Variants in IGLL5 observed in about 807,000 individuals in gnomAD.
The protein encoded by IGLL5 is immunoglobulin lambda like polypeptide 5.
IGLL5 carries 30 observed loss-of-function variants against 20.9 expected under a neutral mutation model. That is an observed-to-expected ratio of 1.44 (90% CI 1.07 to 1.95). The LOEUF (loss-of-function observed/expected upper bound fraction) is 1.95. Among genes scored for constraint, IGLL5 ranks in the 30% most tolerant of loss-of-function variants. The pLI is 0.00. For missense variants in IGLL5, 475 were observed against 270.7 expected (o/e 1.75, Z -5.30); for synonymous variants, 203 against 117.3 (o/e 1.73, Z -4.72).
chr22:22,894,667 T>C (rs2066680314), intron 2 of IGLL5, among the ~76,000 whole-genome samples: 1 of 151,292 alleles, frequency 6.6e-6, no homozygotes, highest in African/African-American at 2.4e-5. Context: ...CATCACAGGC[T>C]GCTGGGGTGG....
rs549905601 is a variant in IGLL5, at chr22:22,894,045, G to C, written c.325+227G>C. ...AGCCTGGTCCCGGGGCCTGAGCTGG[G>C]ATTGGGCAGGGTCAGGGCTCCTCCT... is the stretch of plus-strand genomic sequence containing the variant. On this transcript the variant is annotated intron_variant, in intron 2 of 2. Coordinates refer to ENST00000526893, the MANE Select transcript of IGLL5 (RefSeq NM_001178126.2). 5.9e-5 allele frequency among the ~76,000 whole-genome samples: 9 copies of C among 151,424 alleles called. No individual in the cohort carries two copies. In the South Asian group the frequency reaches 8.4e-4, roughly 14 times the overall value.
At chr22:22,888,644 C>G (rs1601602746) in intron 1 of IGLL5, among the ~76,000 whole-genome samples, 2 of 151,318 alleles carry the variant, frequency 1.3e-5, no homozygotes, top group Admixed American at 6.6e-5. Flanking sequence ...CTCCTCCTCT[C>G]TGCCCATGTG....
At chr22:22,889,347 T>A (rs2067709433) in intron 1 of IGLL5, among the ~76,000 whole-genome samples, 1 of 151,046 alleles carries the variant, frequency 6.6e-6, no homozygotes, top group Middle Eastern at 3.7e-3. Context: ...CTATGGGCAT[T>A]AAAAATGTAT....
intron 1 of IGLL5, among the ~76,000 whole-genome samples, chr22:22,888,470 C>A (rs187858328): frequency 6.6e-6 from 1 of 151,364 alleles, no homozygotes; most frequent in African/African-American, 2.4e-5. Flanking sequence ...TATTATTTTT[C>A]TTGATTTCTG....
intron 1 of IGLL5, among the ~76,000 whole-genome samples, chr22:22,888,758 T>A (rs1019984653): frequency 5.3e-5 from 8 of 151,254 alleles, no homozygotes; most frequent in East Asian, 4.1e-4. Flanking sequence ...CATAAATGCT[T>A]ACTGGGGCCA....
intron 1 of IGLL5, among the ~76,000 whole-genome samples, chr22:22,889,182 G>C (rs2067694059): frequency 6.6e-6 from 1 of 151,228 alleles, no homozygotes; most frequent in East Asian, 2.0e-4. Flanking sequence ...TGATGGCCAA[G>C]TCCAGGGTAG....
At position 22,893,939 on chromosome 22, in the gene IGLL5, T is replaced by C. The variant is rs572008547; in HGVS notation, c.325+121T>C. The C allele has an allele frequency of 2.9e-5, 22 of 764,108 alleles. 1 individual carries two copies. The highest frequency in any genetic ancestry group is 6.8e-5 in the African/African-American group (4 of 58,558). The allele number at this position is 764,108 out of a possible 1,614,324, so 47.3% of individuals were successfully genotyped here. A position where few individuals can be genotyped will look rare whatever the true frequency, so the allele number is the denominator to read the frequency against. On this transcript the variant is annotated intron_variant, in intron 2 of 2. Coordinates refer to ENST00000526893, the MANE Select transcript of IGLL5 (RefSeq NM_001178126.2). ...CAGCCTTAAGCACTGACCCTTACCT[T>C]TCTCCATGGGGCCTGGAGGAGGTGC...
Position 22,888,135 on chromosome 22 carries a change from C to G in IGLL5, c.82C>G (p.Leu28Val), listed in dbSNP as rs148489860. The G allele has an allele frequency of 1.9e-5, 29 of 1,549,428 alleles. 1 individual carries two copies. The highest frequency in any genetic ancestry group is 1.7e-4 in the Middle Eastern group (1 of 5,938). ...TCCCAGGCAGCGCTGGCCCCTGCTG[C>G]TGCTGGGTCTGGCCATGGTCGCCCA... Reference protein sequence around the residue: ...PGPRQRWPLLLLGLAMVAHGL... With the variant: ...PGPRQRWPLLVLGLAMVAHGL... Residue 28 changes from leucine (L) to valine (V), a missense_variant, in exon 1 of 3, where the codon CTG becomes GTG. By Grantham distance (32) the Leu-to-Val change is conservative. Coordinates refer to ENST00000526893, the MANE Select transcript of IGLL5 (RefSeq NM_001178126.2).
Position 22,889,349 on chromosome 22 carries a change from A to G in IGLL5, c.206+1090A>G, listed in dbSNP as rs2067709760. The stretch of plus-strand genomic sequence containing the variant: ...GCTCGGGGACTGTCTATGGGCATTA[A>G]AAATGTATAACCATTTTAGCAACAG... On this transcript the variant is annotated intron_variant, in intron 1 of 2. Coordinates refer to ENST00000526893, the MANE Select transcript of IGLL5 (RefSeq NM_001178126.2). Among the ~76,000 whole-genome samples the G allele has an allele frequency of 2.6e-5, 4 of 151,216 alleles. No individual in the cohort carries two copies. The South Asian group carries it at 6.3e-4, about 24-fold the overall frequency.
chr22:22,887,955 G>T lies in IGLL5; in HGVS notation c.-99G>T, dbSNP rs192387679. 2 of 931,426 alleles carry T rather than the reference G, an allele frequency of 2.1e-6. No individual in the cohort carries two copies. The highest frequency in any genetic ancestry group is 1.6e-5 in the African/African-American group (1 of 60,858). The allele number at this position is 931,426 out of a possible 1,614,324, so 57.7% of individuals were successfully genotyped here. Reference sequence around the variant, plus strand: ...GAGGACAGAGCCAATGGACTGGGGTGTACTGTAACAGCCCTGCTGGCGAGA... The same window carrying T: ...GAGGACAGAGCCAATGGACTGGGGTTTACTGTAACAGCCCTGCTGGCGAGA... On this transcript the variant is annotated 5_prime_UTR_variant, in exon 1 of 3. Coordinates refer to ENST00000526893, the MANE Select transcript of IGLL5 (RefSeq NM_001178126.2).
rs1054717911 is a variant in IGLL5 at position 22,888,250 on chromosome 22, T to A, written c.197T>A (p.Leu66Gln). The A allele has an allele frequency of 1.3e-6, 2 of 1,547,482 alleles. No homozygotes were observed. Among genetic ancestry groups the A allele is most frequent in the Non-Finnish European group, 1.7e-6 (2 of 1,146,376 alleles). Residue 66 changes from leucine to glutamine, a missense_variant, in exon 1 of 3, where the codon CTG (leucine) becomes CAG (glutamine). Physicochemically the swap from Leu to Gln is moderately radical, Grantham distance 113. Transcript: ENST00000526893. ...AGCAGCCGATCCAGCCTGCGGAGCCTGTGGGGCAGGTAAGGGGCAAGAGAT... is the reference window on the plus strand; with the variant it reads ...AGCAGCCGATCCAGCCTGCGGAGCCAGTGGGGCAGGTAAGGGGCAAGAGAT... ...VGSSRSSLRS[L>Q]WGRLLLQPSP... is the part of the protein sequence containing the mutation.
intron 2 of IGLL5, among the ~76,000 whole-genome samples, chr22:22,894,200 C>A (rs138367127): frequency 1.1e-4 from 16 of 151,128 alleles, no homozygotes; most frequent in South Asian, 6.3e-4. Flanking sequence ...GGCCTGGGAG[C>A]TGCTGAGTCT....
chr22:22,891,716 C>T (rs1014495999), intron 1 of IGLL5, among the ~76,000 whole-genome samples: 1 of 151,278 alleles, frequency 6.6e-6, no homozygotes, highest in Non-Finnish European at 1.5e-5. Flanking sequence ...AAATCTTGCA[C>T]ACTTTGTTTT....
intron 1 of IGLL5, among the ~76,000 whole-genome samples, chr22:22,888,647 C>G (rs1234415159): frequency 2.6e-5 from 4 of 151,272 alleles, no homozygotes; most frequent in Admixed American, 6.6e-5. Flanking sequence ...CTCCTCTCTG[C>G]CCATGTGCCT....
intron 1 of IGLL5, 28 bp downstream of exon 1, chr22:22,888,287 T>TGG (rs961619109): frequency 1.3e-6 from 2 of 1,541,174 alleles, no homozygotes; most frequent in East Asian, 2.5e-5. Context: ...CCAGGGGATG[T>TGG]GGGGGTCCTG....
rs748762893 is a variant in IGLL5 at position 22,895,733 on chromosome 22, G to A, written c.*39G>A. ...ACCCCACCCACGGGAGCCTGGAGCT[G>A]CAGGATCCCAGGGGAGGGGTCTCTC... On this transcript the variant is annotated 3_prime_UTR_variant, in exon 3 of 3. Transcript: ENST00000526893. The A allele has an allele frequency of 6.3e-7, 1 of 1,595,386 alleles. No individual in the cohort carries two copies. The highest frequency in any genetic ancestry group is 8.6e-7 in the Non-Finnish European group (1 of 1,163,756).
intron 2 of IGLL5, among the ~76,000 whole-genome samples, chr22:22,894,637 T>A (rs557042549): frequency 4.0e-5 from 6 of 150,564 alleles, no homozygotes; most frequent in Admixed American, 1.3e-4. Flanking sequence ...ACTCCATGGC[T>A]ACCAGGTGAA....
chr22:22,890,931 C>A (rs917762833), intron 1 of IGLL5, among the ~76,000 whole-genome samples: 2 of 151,148 alleles, frequency 1.3e-5, no homozygotes, highest in Non-Finnish European at 2.9e-5. Context: ...TGTTGCCCGC[C>A]TTTCCATTCA....
intron 1 of IGLL5, among the ~76,000 whole-genome samples, chr22:22,893,385 G>C (rs1407430463): frequency 6.6e-6 from 1 of 151,124 alleles, no homozygotes; most frequent in Non-Finnish European, 1.5e-5. Flanking sequence ...TTGTGTGGGG[G>C]ACTCAGAGGC....
Sources: gnomAD v4.1 joint callset for allele counts (sites outside exome capture counted in the v4.1 genomes callset) on GRCh38, gnomAD v4.1.1 for gene constraint, MANE v1.5 for transcripts, NCBI Gene and HGNC (gene_info 2026-07-23, HGNC 2026-07-21) for gene names.